The following LHFPL3 variants were observed in gnomAD, a reference collection of about 807,000 sequenced individuals.
The protein encoded by LHFPL3 is LHFPL tetraspan subfamily member 3.
Under a neutral mutation model 19.3 loss-of-function variants are expected in LHFPL3, and 5 were observed. That is an observed-to-expected ratio of 0.26 (90% CI 0.14 to 0.54). LHFPL3 has a LOEUF of 0.54. Among genes scored for constraint, LHFPL3 ranks in the 20% least tolerant of loss-of-function variants. LHFPL3 has a pLI of 0.94. For missense variants in LHFPL3, 249 were observed against 307.4 expected (o/e 0.81, Z 1.42); for synonymous variants, 133 against 126.2 (o/e 1.05, Z -0.36).
intron 1 of LHFPL3, among the ~76,000 whole-genome samples, chr7:104,664,912 A>G (rs1166500530): frequency 6.7e-6 from 1 of 149,054 alleles, no homozygotes; most frequent in East Asian, 2.1e-4. Flanking sequence ...ACAACTCTAC[A>G]TCATGGAAAA....
intron 1 of LHFPL3, among the ~76,000 whole-genome samples, chr7:104,565,279 G>T (rs948528744): frequency 3.9e-5 from 6 of 152,070 alleles, no homozygotes; most frequent in African/African-American, 1.4e-4. Context: ...GAAATTAAAA[G>T]CTCTCCAGAA....
rs1793306199 is a variant in LHFPL3 at position 104,489,794 on chromosome 7, T to C, written c.445+160570T>C. ...CTCCCAAATTTAGGAAGATTTGGCTTTCTGATTCATTGGAATAATTTGGAG... is the reference window on the plus strand; with the variant it reads ...CTCCCAAATTTAGGAAGATTTGGCTCTCTGATTCATTGGAATAATTTGGAG... On this transcript the variant is annotated intron_variant, in intron 1 of 2. Coordinates refer to ENST00000424859, the MANE Select transcript of LHFPL3 (RefSeq NM_199000.3). 1.3e-5 allele frequency among the ~76,000 whole-genome samples: 2 copies of C among 152,138 alleles called. 1 individual carries two copies. Among genetic ancestry groups the C allele is most frequent in the South Asian group, 4.1e-4 (2 of 4,822 alleles).
chr7:104,470,286 T>A (rs1326131743), intron 1 of LHFPL3, among the ~76,000 whole-genome samples: 1 of 152,182 alleles, frequency 6.6e-6, no homozygotes, highest in Non-Finnish European at 1.5e-5. Context: ...TGTGGGATAA[T>A]TCTGAATTTG....
chr7:104,816,729 C>A (rs2116513545), intron 2 of LHFPL3, among the ~76,000 whole-genome samples: 2 of 152,360 alleles, frequency 1.3e-5, no homozygotes, highest in East Asian at 3.9e-4. Flanking sequence ...CATTTTCAGG[C>A]CACTCAACGT....
intron 1 of LHFPL3, among the ~76,000 whole-genome samples, chr7:104,682,298 G>C (rs913921265): frequency 6.6e-6 from 1 of 152,162 alleles, no homozygotes; most frequent in African/African-American, 2.4e-5. Flanking sequence ...GTAAGCCCTT[G>C]TTCCTCAAGG....
intron 1 of LHFPL3, among the ~76,000 whole-genome samples, chr7:104,596,023 G>A (rs1478342613): frequency 6.6e-6 from 1 of 152,222 alleles, no homozygotes; most frequent in Non-Finnish European, 1.5e-5. Flanking sequence ...TCCCGGGTGA[G>A]ACAATACCCC....
chr7:104,820,089 A>G (rs1584552980), intron 2 of LHFPL3, among the ~76,000 whole-genome samples: 1 of 152,200 alleles, frequency 6.6e-6, no homozygotes, highest in African/African-American at 2.4e-5. Flanking sequence ...TCATCAGGAC[A>G]TTTGCACCTT....
intron 1 of LHFPL3, among the ~76,000 whole-genome samples, chr7:104,550,481 A>C (rs1162485060): frequency 6.6e-6 from 1 of 152,206 alleles, no homozygotes; most frequent in East Asian, 1.9e-4. Flanking sequence ...CAACCATTAC[A>C]TCATGAGTCA....
At chr7:104,685,331 G>C (rs1156619680) in intron 1 of LHFPL3, among the ~76,000 whole-genome samples, 2 of 152,184 alleles carry the variant, frequency 1.3e-5, no homozygotes, top group African/African-American at 4.8e-5. Context: ...TGGCAACAGA[G>C]TAAGATTCTG....
chr7:104,831,867 CTTTTG>C (rs1164313107), intron 2 of LHFPL3, among the ~76,000 whole-genome samples: 8 of 151,908 alleles, frequency 5.3e-5, no homozygotes, highest in Admixed American at 5.2e-4. Context: ...TGACTGAAAC[CTTTTG>C]TTTTATCGGT....
Position 104,805,420 on chromosome 7 carries a change from C to T in LHFPL3, c.682+68509C>T, listed in dbSNP as rs139902142. ...AGTCCTTGTTAATGGCCAATGACAA[C>T]TATCTGTAGCAATGTAGTGATGTTG... is the stretch of plus-strand genomic sequence containing the variant. On this transcript the variant is annotated intron_variant, in intron 2 of 2. Coordinates refer to ENST00000424859, the MANE Select transcript of LHFPL3 (RefSeq NM_199000.3). Among the ~76,000 whole-genome samples the T allele has an allele frequency of 2.5e-3, 380 of 152,284 alleles. 2 individuals are homozygous for T. Among genetic ancestry groups the T allele is most frequent in the African/African-American group, 8.7e-3 (363 of 41,540 alleles).
intron 2 of LHFPL3, among the ~76,000 whole-genome samples, chr7:104,898,006 C>CTTTTTTTTTTTTTT (rs71155536): frequency 1.3e-4 from 13 of 96,810 alleles, no homozygotes; most frequent in Admixed American, 2.5e-4. Context: ...AATGTCACCC[C>CTTTTTTTTTTTTTT]TTTTTTTTTT....
chr7:104,873,242 G>A (rs1791869757), intron 2 of LHFPL3, among the ~76,000 whole-genome samples: 1 of 152,234 alleles, frequency 6.6e-6, no homozygotes, highest in South Asian at 2.1e-4. Flanking sequence ...AAGTAGGGGT[G>A]TGTGTATATG....
chr7:104,475,368 G>A (rs1035292176), intron 1 of LHFPL3, among the ~76,000 whole-genome samples: 3 of 151,974 alleles, frequency 2.0e-5, no homozygotes, highest in East Asian at 1.9e-4. Context: ...GAATTCCTTA[G>A]CATATTACTG....
chr7:104,617,619 T>C (rs1423633054), intron 1 of LHFPL3, among the ~76,000 whole-genome samples: 1 of 152,242 alleles, frequency 6.6e-6, no homozygotes, highest in East Asian at 1.9e-4. Context: ...TATTTCCAGA[T>C]GCCTGGGTCA....
intron 1 of LHFPL3, among the ~76,000 whole-genome samples, chr7:104,454,396 A>G (rs1792501338): frequency 6.6e-6 from 1 of 152,258 alleles, no homozygotes; most frequent in Non-Finnish European, 1.5e-5. Context: ...CTTATGAGAA[A>G]TGGGTATTAT....
At chr7:104,577,198 G>C (rs1014115955) in intron 1 of LHFPL3, among the ~76,000 whole-genome samples, 7 of 152,212 alleles carry the variant, frequency 4.6e-5, no homozygotes, top group Admixed American at 6.5e-5. Context: ...TTGCCTTCAG[G>C]AGAGGGACAT....
intron 1 of LHFPL3, among the ~76,000 whole-genome samples, chr7:104,579,853 G>A (rs1464765418): frequency 6.6e-6 from 1 of 152,084 alleles, no homozygotes; most frequent in South Asian, 2.1e-4. Flanking sequence ...TGCCCTCTTG[G>A]AGCTGACTGC....
chr7:104,507,867 A>G (rs1276908080), intron 1 of LHFPL3, among the ~76,000 whole-genome samples: 1 of 108,420 alleles, frequency 9.2e-6, no homozygotes, highest in Non-Finnish European at 1.9e-5. Context: ...AATGCTCATC[A>G]TCACTGGCCA....
Sources: gnomAD v4.1 joint callset for allele counts (sites outside exome capture counted in the v4.1 genomes callset) on GRCh38, gnomAD v4.1.1 for gene constraint, MANE v1.5 for transcripts, NCBI Gene and HGNC (gene_info 2026-07-23, HGNC 2026-07-21) for gene names.